CSTPP1: variants seen among roughly 807,000 people sequenced by gnomAD.
CSTPP1 encodes UPF0705 protein C11orf49.
chr11:47,161,262 G>A, the CSTPP1 span: 2 of 1,612,172 alleles, frequency 1.2e-6, no homozygotes, highest in Non-Finnish European at 1.7e-6. Context: ...TGCCCCATCT[G>A]GGGCCAACAC....
chr11:47,028,630 C>T, the CSTPP1 span, among the ~76,000 whole-genome samples: 5 of 152,120 alleles, frequency 3.3e-5, no homozygotes, highest in African/African-American at 4.8e-5. Context: ...GTCTAAACTG[C>T]TTTGGGGTTC....
the CSTPP1 span, among the ~76,000 whole-genome samples, chr11:46,980,327 T>C: frequency 1.3e-5 from 2 of 152,242 alleles, no homozygotes; most frequent in Admixed American, 6.5e-5. Flanking sequence ...TTTGTTTGCC[T>C]CTGGCGTGTC....
the CSTPP1 span, among the ~76,000 whole-genome samples, chr11:47,003,849 A>C: frequency 6.6e-6 from 1 of 152,188 alleles, no homozygotes; most frequent in African/African-American, 2.4e-5. Flanking sequence ...AATAATATCA[A>C]CAACAAATGT....
chr11:47,038,111 C>A, the CSTPP1 span, among the ~76,000 whole-genome samples: 1 of 56,516 alleles, frequency 1.8e-5, no homozygotes, highest in East Asian at 3.7e-4. Flanking sequence ...GGCTGACCCC[C>A]CCACCTCCCT....
the CSTPP1 span, among the ~76,000 whole-genome samples, chr11:47,034,229 C>T: frequency 6.6e-6 from 1 of 152,078 alleles, no homozygotes; most frequent in Non-Finnish European, 1.5e-5. Flanking sequence ...TTATCCAGGG[C>T]TTCTTGTACA....
the CSTPP1 span, among the ~76,000 whole-genome samples, chr11:47,073,466 G>A: frequency 6.6e-6 from 1 of 152,172 alleles, no homozygotes; most frequent in Non-Finnish European, 1.5e-5. Context: ...GGCCAGGGTA[G>A]GAGGGTTGCT....
the CSTPP1 span, among the ~76,000 whole-genome samples, chr11:47,038,146 C>CG: frequency 1.6e-5 from 1 of 61,306 alleles, no homozygotes; most frequent in Admixed American, 1.8e-4. Flanking sequence ...CTGGCCCGGG[C>CG]GGGGGGCGGA....
At chr11:46,940,269 C>T in the CSTPP1 span, among the ~76,000 whole-genome samples, 2 of 152,210 alleles carry the variant, frequency 1.3e-5, no homozygotes, top group South Asian at 2.1e-4. Flanking sequence ...ACCAGTCCCG[C>T]ACTGGTAAAC....
At chr11:47,013,593 G>A in the CSTPP1 span, among the ~76,000 whole-genome samples, 1 of 152,106 alleles carries the variant, frequency 6.6e-6, no homozygotes, top group Non-Finnish European at 1.5e-5. Flanking sequence ...TCCTTTTTAT[G>A]GCTGCATAGT....
the CSTPP1 span, among the ~76,000 whole-genome samples, chr11:47,145,884 C>T: frequency 6.6e-6 from 1 of 151,976 alleles, no homozygotes; most frequent in African/African-American, 2.4e-5. Context: ...ATTCCTCCTG[C>T]CTCAGCTTTC....
At chr11:47,087,513 A>G in the CSTPP1 span, among the ~76,000 whole-genome samples, 2 of 152,186 alleles carry the variant, frequency 1.3e-5, no homozygotes, top group African/African-American at 2.4e-5. Context: ...ATCCTGACCA[A>G]TATGGTGAAA....
At chr11:46,970,107 G>T in the CSTPP1 span, among the ~76,000 whole-genome samples, 3 of 152,030 alleles carry the variant, frequency 2.0e-5, no homozygotes, top group Non-Finnish European at 2.9e-5. Flanking sequence ...ACCATTGAGG[G>T]GTTAGGGACT....
the CSTPP1 span, among the ~76,000 whole-genome samples, chr11:47,127,186 C>T: frequency 7.9e-5 from 12 of 152,148 alleles, no homozygotes; most frequent in Non-Finnish European, 1.5e-4. Flanking sequence ...ACCACTTATG[C>T]GGCAATTTTG....
chr11:47,129,068 C>T, the CSTPP1 span, among the ~76,000 whole-genome samples: 1 of 152,190 alleles, frequency 6.6e-6, no homozygotes, highest in Non-Finnish European at 1.5e-5. Flanking sequence ...GCTCTTGTGC[C>T]TGTTTAACCA....
chr11:47,024,496 A>G, the CSTPP1 span, among the ~76,000 whole-genome samples: 1 of 151,992 alleles, frequency 6.6e-6, no homozygotes, highest in South Asian at 2.1e-4. Context: ...TGTAATTTTC[A>G]ATCAATCACA....
At chr11:47,143,597 C>T in the CSTPP1 span, among the ~76,000 whole-genome samples, 23 of 152,316 alleles carry the variant, frequency 1.5e-4, no homozygotes, top group African/African-American at 5.5e-4. Context: ...AAACAGACTC[C>T]ATGACAGCAG....
chr11:47,049,856 G>A, the CSTPP1 span, among the ~76,000 whole-genome samples: 3 of 151,612 alleles, frequency 2.0e-5, no homozygotes, highest in East Asian at 3.9e-4. Context: ...TAACAGGGAG[G>A]GTAGAAAAGA....
the CSTPP1 span, among the ~76,000 whole-genome samples, chr11:47,107,837 GA>G: frequency 6.8e-6 from 1 of 146,152 alleles, no homozygotes; most frequent in African/African-American, 2.5e-5. Flanking sequence ...AAATTAGGGG[GA>G]AACTGCTCGG....
the CSTPP1 span, among the ~76,000 whole-genome samples, chr11:46,964,313 T>C: frequency 6.0e-5 from 9 of 150,012 alleles, no homozygotes; most frequent in African/African-American, 2.2e-4. Context: ...TGAAATGGAG[T>C]CTCGCTCTGT....
Sources: gnomAD v4.1 joint callset for allele counts (sites outside exome capture counted in the v4.1 genomes callset) on GRCh38, gnomAD v4.1.1 for gene constraint, MANE v1.5 for transcripts, NCBI Gene and HGNC (gene_info 2026-07-23, HGNC 2026-07-21) for gene names.